The following DPP10 variants were observed in gnomAD, a reference collection of about 807,000 sequenced individuals.
The protein encoded by DPP10 is dipeptidyl peptidase like 10.
In DPP10, 33 loss-of-function variants were observed where a neutral mutation model predicts 120.9. The observed-to-expected ratio is 0.27, with a 90% CI of 0.21 to 0.37. The LOEUF (loss-of-function observed/expected upper bound fraction) is 0.37. Among genes scored for constraint, DPP10 ranks in the 10% least tolerant of loss-of-function variants. The probability of loss-of-function intolerance (pLI) is 1.00; values close to 1 mark genes in which losing one functional copy is unlikely to be tolerated. For synonymous variants in DPP10, 337 were observed against 326.1 expected (o/e 1.03, Z -0.36); for missense variants, 816 against 942.8 (o/e 0.87, Z 1.76).
At chr2:114,927,102 G>A (rs1695691655) in intron 1 of DPP10, among the ~76,000 whole-genome samples, 1 of 152,034 alleles carries the variant, frequency 6.6e-6, no homozygotes, top group Non-Finnish European at 1.5e-5. Context: ...ACCCACCTCA[G>A]CCTCCAAAAG....
chr2:114,779,953 G>T (rs573961133), intron 1 of DPP10, among the ~76,000 whole-genome samples: 23 of 152,176 alleles, frequency 1.5e-4, no homozygotes, highest in South Asian at 8.3e-4. Flanking sequence ...TGGCTAACAT[G>T]GTGAAACCCC....
intron 5 of DPP10, among the ~76,000 whole-genome samples, chr2:115,680,168 A>C (rs116135957): frequency 6.6e-6 from 1 of 152,002 alleles, no homozygotes; most frequent in African/African-American, 2.4e-5. Context: ...TGACAAGAAT[A>C]TTTTAAAGAT....
intron 1 of DPP10, among the ~76,000 whole-genome samples, chr2:114,808,112 T>A (rs1222974065): frequency 1.3e-5 from 2 of 152,188 alleles, no homozygotes; most frequent in African/African-American, 4.8e-5. Flanking sequence ...CGTCCTTTTA[T>A]GAATGAGGAC....
At chr2:115,800,652 A>G (rs1276328360) in intron 19 of DPP10, among the ~76,000 whole-genome samples, 1 of 152,148 alleles carries the variant, frequency 6.6e-6, no homozygotes, top group Non-Finnish European at 1.5e-5. Flanking sequence ...CTTTCTACAT[A>G]TGGCTAGCCA....
intron 1 of DPP10, among the ~76,000 whole-genome samples, chr2:114,497,889 A>G (rs1205985712): frequency 2.0e-5 from 3 of 152,170 alleles, no homozygotes; most frequent in Non-Finnish European, 4.4e-5. Flanking sequence ...ATCCAGAGCG[A>G]CTTTGATTCT....
intron 1 of DPP10, among the ~76,000 whole-genome samples, chr2:114,758,076 T>A (rs1679953165): frequency 6.6e-6 from 1 of 152,216 alleles, no homozygotes. Flanking sequence ...TCTCCACATG[T>A]GAACTTCAAG....
chr2:115,186,458 A>G (rs919863377), intron 1 of DPP10, among the ~76,000 whole-genome samples: 3 of 152,190 alleles, frequency 2.0e-5, no homozygotes, highest in African/African-American at 7.2e-5. Flanking sequence ...CATGCAGTCA[A>G]TGCTCTGGGT....
chr2:114,467,860 CA>C (rs1679544627), intron 1 of DPP10, among the ~76,000 whole-genome samples: 2 of 151,746 alleles, frequency 1.3e-5, no homozygotes, highest in Non-Finnish European at 2.9e-5. Flanking sequence ...CAAAACACCA[CA>C]AAAAAACATT....
chr2:114,968,856 T>G (rs957490943), intron 1 of DPP10, among the ~76,000 whole-genome samples: 3 of 152,232 alleles, frequency 2.0e-5, no homozygotes, highest in Non-Finnish European at 4.4e-5. Flanking sequence ...TGACAATATT[T>G]GCCTATTACT....
intron 1 of DPP10, among the ~76,000 whole-genome samples, chr2:115,213,424 C>A (rs937257559): frequency 5.9e-5 from 9 of 152,046 alleles, no homozygotes; most frequent in African/African-American, 1.9e-4. Context: ...CATCCTTAAG[C>A]CTTCAGGTTT....
intron 1 of DPP10, among the ~76,000 whole-genome samples, chr2:114,618,185 G>A (rs762654762): frequency 9.2e-5 from 14 of 151,940 alleles, no homozygotes; most frequent in Non-Finnish European, 2.1e-4. Context: ...TAATATCATT[G>A]GATTAATTGC....
chr2:114,777,802 G>T (rs1265929704), intron 1 of DPP10, among the ~76,000 whole-genome samples: 1 of 152,032 alleles, frequency 6.6e-6, no homozygotes, highest in Non-Finnish European at 1.5e-5. Context: ...GAAATCCTTT[G>T]AGCCGCAGAA....
rs369667169 is a variant in DPP10, at chr2:115,206,698, TTTA to T, written c.61-102535_61-102533del. The stretch of plus-strand genomic sequence containing the variant: ...CAGGGGATGGGTTGTGGGCAACCAT[TTTA>T]TTATTCCATTTAGCTTGGTTTACTC... On this transcript the variant is annotated intron_variant, in intron 1 of 25. Coordinates refer to ENST00000410059, the MANE Select transcript of DPP10 (RefSeq NM_020868.6). Among the ~76,000 whole-genome samples the T allele has an allele frequency of 4.9e-3, 744 of 152,282 alleles. 5 individuals carry two copies. The highest frequency in any genetic ancestry group is 0.016 in the African/African-American group (680 of 41,572).
intron 1 of DPP10, among the ~76,000 whole-genome samples, chr2:114,963,715 A>G (rs1176236266): frequency 6.6e-6 from 1 of 152,138 alleles, no homozygotes; most frequent in Non-Finnish European, 1.5e-5. Context: ...AGTCTACAGG[A>G]CTGACCCAAG....
intron 1 of DPP10, among the ~76,000 whole-genome samples, chr2:115,017,909 G>A (rs762276858): frequency 2.6e-5 from 4 of 151,698 alleles, no homozygotes; most frequent in Non-Finnish European, 5.9e-5. Context: ...TGTAAATGAC[G>A]AGTTAATAGG....
At chr2:115,770,009 A>T (rs925711448) in intron 13 of DPP10, among the ~76,000 whole-genome samples, 4 of 152,092 alleles carry the variant, frequency 2.6e-5, no homozygotes, top group African/African-American at 9.6e-5. Flanking sequence ...TTTGTAAGAG[A>T]TAGTGAAGGA....
intron 5 of DPP10, among the ~76,000 whole-genome samples, chr2:115,670,589 T>C (rs2149439634): frequency 6.6e-6 from 1 of 152,268 alleles, no homozygotes; most frequent in South Asian, 2.1e-4. Flanking sequence ...ACGTTTAGAA[T>C]CTTCTTTTGC....
At chr2:115,224,396 G>A (rs2057331725) in intron 1 of DPP10, among the ~76,000 whole-genome samples, 1 of 152,068 alleles carries the variant, frequency 6.6e-6, no homozygotes, top group Non-Finnish European at 1.5e-5. Flanking sequence ...TGTGAATGTA[G>A]GATAAAGTTG....
intron 1 of DPP10, among the ~76,000 whole-genome samples, chr2:114,443,267 G>A (rs753433004): frequency 1.8e-4 from 28 of 152,168 alleles, no homozygotes; most frequent in Non-Finnish European, 1.5e-5. Flanking sequence ...TTTAAAAAAA[G>A]CTCATCCTTC....
Sources: allele counts gnomAD v4.1 joint callset (sites outside exome capture counted in the v4.1 genomes callset), GRCh38; gene constraint gnomAD v4.1.1; transcripts MANE v1.5; gene names NCBI Gene and HGNC (gene_info 2026-07-23, HGNC 2026-07-21).